Variants in DNAH11 observed in about 807,000 individuals in gnomAD.
DNAH11 encodes axonemal beta dynein heavy chain 11.
A neutral mutation model predicts 526.0 loss-of-function variants in DNAH11; 442 were observed. That is an observed-to-expected ratio of 0.84 (90% CI 0.78 to 0.91). DNAH11 has a LOEUF of 0.91. DNAH11 is among the 40% of genes least tolerant of loss of function. The probability of loss-of-function intolerance (pLI) is 0.00; values close to 1 mark genes in which losing one functional copy is unlikely to be tolerated. For synonymous variants in DNAH11, 2,461 were observed against 1,935.9 expected (o/e 1.27, Z -7.12); for missense variants, 6,989 against 5,448.7 (o/e 1.28, Z -8.90).
chr7:21,727,536 A>G (rs550028904), intron 45 of DNAH11, among the ~76,000 whole-genome samples: 1 of 152,312 alleles, frequency 6.6e-6, no homozygotes, highest in South Asian at 2.1e-4. Flanking sequence ...GTTTCTTTTC[A>G]TAGATTGCTC....
Position 21,779,022 on chromosome 7 carries a change from C to T in DNAH11, c.9401C>T (p.Ala3134Val), listed in dbSNP as rs778246520. ...GAGCTGCAACTGAGAAATCATGATG[C>T]CGAAGCTCTGATCACAAAGATCGGC... ...EAELQLRNHD[A>V]EALITKIGLQ... The change falls in exon 57 of 82, where the codon GCC (alanine) becomes GTC (valine). Residue 3134 changes from alanine (A) to valine (V), a missense_variant. Physicochemically the swap from Ala to Val is moderately conservative, Grantham distance 64. Coordinates refer to ENST00000409508, the MANE Select transcript of DNAH11 (RefSeq NM_001277115.2). 7 of 1,613,298 alleles carry T rather than the reference C, an allele frequency of 4.3e-6. No homozygotes were observed. Among genetic ancestry groups the T allele is most frequent in the Non-Finnish European group, 5.9e-6 (7 of 1,179,620 alleles).
chr7:21,602,893 A>C (rs979920254), intron 18 of DNAH11, among the ~76,000 whole-genome samples: 2 of 152,126 alleles, frequency 1.3e-5, no homozygotes, highest in South Asian at 2.1e-4. Context: ...GGTGAAATGT[A>C]CTATTCGGAT....
intron 25 of DNAH11, among the ~76,000 whole-genome samples, chr7:21,623,634 C>T (rs918567691): frequency 3.3e-5 from 5 of 151,874 alleles, no homozygotes; most frequent in Non-Finnish European, 7.4e-5. Flanking sequence ...ACTATGCAGC[C>T]ATAAAAAATG....
chr7:21,627,334 C>CA (rs1786387911), intron 25 of DNAH11, among the ~76,000 whole-genome samples: 1 of 152,158 alleles, frequency 6.6e-6, no homozygotes, highest in Middle Eastern at 3.4e-3. Context: ...GTCTTACACA[C>CA]ACACACAAAA....
chr7:21,545,892 C>G (rs1782787940), intron 2 of DNAH11, among the ~76,000 whole-genome samples: 1 of 152,186 alleles, frequency 6.6e-6, no homozygotes, highest in African/African-American at 2.4e-5. Context: ...TCAAACTTCG[C>G]TGAACATTAG....
Position 21,704,601 on chromosome 7 carries a change from G to A in DNAH11, c.6441G>A (p.Leu2147=). The A allele has an allele frequency of 1.2e-6, 2 of 1,606,026 alleles. No individual in the cohort carries two copies. The highest frequency in any genetic ancestry group is 1.1e-5 in the South Asian group (1 of 88,758). The change falls in exon 38 of 82, where the codon CTG becomes CTA. Residue 2147 remains leucine (L), a synonymous_variant. Transcript: ENST00000409508. ...GGCAGTCTACCCTGGAGCTCCGCCTGCAGCCTGAAGAGAGCTTCATCCTCA... is the reference window on the plus strand; with the variant it reads ...GGCAGTCTACCCTGGAGCTCCGCCTACAGCCTGAAGAGAGCTTCATCCTCA... The part of the protein sequence containing the change: ...MVRQSTLELR[L]QPEESFILKV...
At chr7:21,863,227 C>T (rs1783138440) in intron 69 of DNAH11, among the ~76,000 whole-genome samples, 1 of 152,148 alleles carries the variant, frequency 6.6e-6, no homozygotes, top group Admixed American at 6.6e-5. Flanking sequence ...CTATGTCTTA[C>T]CTATTCTGTG....
At chr7:21,802,166 TAAG>T (rs2127993807) in intron 62 of DNAH11, among the ~76,000 whole-genome samples, 1 of 152,272 alleles carries the variant, frequency 6.6e-6, no homozygotes, top group African/African-American at 2.4e-5. Flanking sequence ...AATTTTAAAA[TAAG>T]AAAAGAATTT....
intron 36 of DNAH11, 39 bp from the exon 37 acceptor site, chr7:21,702,671 C>T (rs1443649779): frequency 1.3e-6 from 2 of 1,562,016 alleles, no homozygotes; most frequent in South Asian, 1.1e-5. Context: ...CTTCTTCCCT[C>T]ATACAATTTT....
chr7:21,810,956 A>T (rs1265515890), intron 63 of DNAH11, among the ~76,000 whole-genome samples: 2 of 152,262 alleles, frequency 1.3e-5, no homozygotes, highest in African/African-American at 4.8e-5. Context: ...AAGTAAAAGT[A>T]GGAATTCAAA....
chr7:21,600,921 C>A lies in DNAH11; in HGVS notation c.3246C>A (p.Phe1082Leu), dbSNP rs1323011072. ...IPEQPPTLEQ[F>L]KEQIDIYEAL... is the part of the protein sequence containing the mutation. ...AACAACCACCAACTCTTGAGCAATT[C>A]AAAGAACAGGCAAGGAAAACCCTTA... is the stretch of plus-strand genomic sequence containing the variant. The change falls in exon 16 of 82, where the codon TTC becomes TTA. Residue 1082 changes from phenylalanine (F) to leucine (L), a missense_variant. Phe to Leu is a conservative substitution (Grantham distance 22, BLOSUM62 0). Transcript: ENST00000409508. 4 of 1,613,514 alleles carry A rather than the reference C, an allele frequency of 2.5e-6. No homozygotes were observed. Among genetic ancestry groups the A allele is most frequent in the Non-Finnish European group, 3.4e-6 (4 of 1,179,708 alleles).
intron 44 of DNAH11, among the ~76,000 whole-genome samples, chr7:21,724,009 C>T (rs1784980598): frequency 2.0e-5 from 3 of 152,220 alleles, no homozygotes; most frequent in Admixed American, 1.3e-4. Flanking sequence ...TCCCCATAAA[C>T]TCTGTGAGAG....
At chr7:21,649,172 A>G (rs959637296) in intron 28 of DNAH11, among the ~76,000 whole-genome samples, 4 of 152,226 alleles carry the variant, frequency 2.6e-5, no homozygotes, top group African/African-American at 9.6e-5. Flanking sequence ...AGTAATGGGA[A>G]TGTTCATATC....
At chr7:21,862,046 A>C (rs774767766) in intron 69 of DNAH11, 23 bp downstream of exon 69, 1 of 1,596,280 alleles carries the variant, frequency 6.3e-7, no homozygotes, top group South Asian at 1.1e-5. Flanking sequence ...GTTACTTGAA[A>C]AAGGATCCCC....
intron 36 of DNAH11, 23 bp downstream of exon 36, chr7:21,698,236 T>G: frequency 6.2e-7 from 1 of 1,611,754 alleles, no homozygotes; most frequent in Non-Finnish European, 8.5e-7. Flanking sequence ...TTGTTACGTT[T>G]TCTTGTTTTT....
Position 21,749,756 on chromosome 7 carries a change from C to T in DNAH11, c.8752C>T (p.Leu2918=), listed in dbSNP as rs1216328081. Residue 2918 remains leucine (L), a synonymous_variant, in exon 53 of 82, where the codon CTA becomes TTA. Coordinates refer to ENST00000409508, the MANE Select transcript of DNAH11 (RefSeq NM_001277115.2). The part of the protein sequence containing the change: ...TVFLLTDAQV[L]DESFLVLIND... ...GTTCCTGCTGACAGATGCCCAGGTT[C>T]TAGATGAGAGCTTCCTCGTGCTGAT... 4 of 1,613,964 alleles carry T rather than the reference C, an allele frequency of 2.5e-6. No individual in the cohort carries two copies. The South Asian group carries it at 4.4e-5, about 18-fold the overall frequency.
intron 31 of DNAH11, among the ~76,000 whole-genome samples, chr7:21,682,973 C>T (rs1414418783): frequency 6.6e-6 from 1 of 152,170 alleles, no homozygotes; most frequent in Admixed American, 6.5e-5. Flanking sequence ...CTGTTTATAT[C>T]TAACTACTCC....
chr7:21,599,056 G>A (rs996726044), intron 14 of DNAH11, among the ~76,000 whole-genome samples: 2 of 152,172 alleles, frequency 1.3e-5, no homozygotes, highest in Non-Finnish European at 2.9e-5. Flanking sequence ...ATACATGTGT[G>A]TGTCTTTATA....
At chr7:21,551,109 T>C (rs1025511209) in intron 2 of DNAH11, among the ~76,000 whole-genome samples, 3 of 152,158 alleles carry the variant, frequency 2.0e-5, no homozygotes, top group Non-Finnish European at 4.4e-5. Flanking sequence ...TAGATATTAG[T>C]TTTCTCATGG....
Sources: allele counts gnomAD v4.1 joint callset (sites outside exome capture counted in the v4.1 genomes callset), GRCh38; gene constraint gnomAD v4.1.1; transcripts MANE v1.5; gene names NCBI Gene and HGNC (gene_info 2026-07-23, HGNC 2026-07-21).